PKD2L2: variants seen among roughly 807,000 people sequenced by gnomAD.
PKD2L2 encodes polycystin 2 like 2, transient receptor potential cation channel.
In PKD2L2, 67 loss-of-function variants were observed where a neutral mutation model predicts 83.9. That is an observed-to-expected ratio of 0.80 (90% CI 0.66 to 0.98). The LOEUF (loss-of-function observed/expected upper bound fraction) is 0.98. PKD2L2 is among the 50% of genes least tolerant of loss of function. The probability of loss-of-function intolerance (pLI) is 0.00; values close to 1 mark genes in which losing one functional copy is unlikely to be tolerated. For synonymous variants in PKD2L2, 223 were observed against 237.8 expected, an observed-to-expected ratio of 0.94 and a Z score of 0.57; for missense variants, 632 against 717.2, an observed-to-expected ratio of 0.88 and a Z score of 1.36.
chr5:137,890,384 CG>C, intron 1 of PKD2L2, 96 bp from the exon 2 acceptor site: 1 of 676,812 alleles, frequency 1.5e-6, no homozygotes, highest in Non-Finnish European at 2.6e-6. Context: ...CTTTCCTCCC[CG>C]CAGTGTAAGG....
intron 8 of PKD2L2, among the ~76,000 whole-genome samples, chr5:137,909,795 A>G (rs1261728571): frequency 1.3e-5 from 2 of 151,984 alleles, no homozygotes; most frequent in East Asian, 1.9e-4. Flanking sequence ...TCGGCCTTTC[A>G]AAAGTGCTGG....
At chr5:137,939,905 A>G in intron 14 of PKD2L2, 1 of 1,327,560 alleles carries the variant, frequency 7.5e-7, no homozygotes, top group Non-Finnish European at 9.6e-7. Flanking sequence ...TTGCATTTCC[A>G]AAGTTCTTGA....
intron 12 of PKD2L2, among the ~76,000 whole-genome samples, chr5:137,929,286 A>C (rs1368956949): frequency 6.6e-6 from 1 of 151,846 alleles, no homozygotes; most frequent in East Asian, 1.9e-4. Flanking sequence ...ACATGGAGAA[A>C]CCCTGTCTCT....
At chr5:137,908,548 G>A (rs1317523726) in intron 7 of PKD2L2, among the ~76,000 whole-genome samples, 1 of 151,474 alleles carries the variant, frequency 6.6e-6, no homozygotes, top group Non-Finnish European at 1.5e-5. Flanking sequence ...CCGAGATCAT[G>A]CCACAGCACT....
intron 13 of PKD2L2, 131 bp downstream of exon 13, chr5:137,936,040 GT>G: frequency 1.5e-6 from 1 of 661,876 alleles, no homozygotes; most frequent in Non-Finnish European, 2.6e-6. Context: ...TTTCTATCCA[GT>G]TTTAAAGTTG....
intron 4 of PKD2L2, among the ~76,000 whole-genome samples, chr5:137,896,664 G>C (rs767989567): frequency 1.3e-5 from 2 of 151,752 alleles, no homozygotes; most frequent in Non-Finnish European, 2.9e-5. Flanking sequence ...CTCCTGCCTT[G>C]CTCTCCCGAA....
chr5:137,938,030 C>A (rs1475579471), intron 14 of PKD2L2: 1 of 151,964 alleles, frequency 6.6e-6, no homozygotes, highest in Non-Finnish European at 1.5e-5. Flanking sequence ...TGCCATTATA[C>A]TGGTGGACAT....
chr5:137,930,331 T>C (rs1282808956), intron 12 of PKD2L2, among the ~76,000 whole-genome samples: 1 of 151,984 alleles, frequency 6.6e-6, no homozygotes, highest in African/African-American at 2.4e-5. Context: ...ATGAAAAAAT[T>C]CTTTGACTAA....
At chr5:137,940,783 T>C (rs918759516) in intron 14 of PKD2L2, among the ~76,000 whole-genome samples, 2 of 152,240 alleles carry the variant, frequency 1.3e-5, no homozygotes, top group African/African-American at 4.8e-5. Context: ...TTTATAGTAA[T>C]GACCCAATGC....
rs149947198 is a variant in PKD2L2 at position 137,901,220 on chromosome 5, T to G, written c.746+1483T>G. Among the ~76,000 whole-genome samples, 835 of 152,216 alleles carry G rather than the reference T, an allele frequency of 5.5e-3. 4 individuals are homozygous for G. Among genetic ancestry groups the G allele is most frequent in the South Asian group, 0.012 (59 of 4,820 alleles). Reference sequence around the variant, plus strand: ...AGTGAAGGATCTAAAGTTGGAGAATTTAATGCCAGCAAAGATTGGTTTGAT... The same window carrying G: ...AGTGAAGGATCTAAAGTTGGAGAATGTAATGCCAGCAAAGATTGGTTTGAT... On this transcript the variant is annotated intron_variant, in intron 5 of 14. Coordinates refer to ENST00000508883, the MANE Select transcript of PKD2L2 (RefSeq NM_001300921.2).
At chr5:137,923,802 G>A (rs1655219782) in intron 10 of PKD2L2, among the ~76,000 whole-genome samples, 1 of 152,284 alleles carries the variant, frequency 6.6e-6, no homozygotes, top group East Asian at 1.9e-4. Context: ...TAAATGCAAA[G>A]CGCTGCTGAG....
chr5:137,910,594 G>A (rs191317458), intron 8 of PKD2L2, among the ~76,000 whole-genome samples: 8 of 151,692 alleles, frequency 5.3e-5, no homozygotes, highest in South Asian at 2.1e-4. Flanking sequence ...CCAACATGGC[G>A]AAACTCCGTC....
chr5:137,928,492 A>G (rs1759568184), intron 12 of PKD2L2, among the ~76,000 whole-genome samples: 1 of 152,146 alleles, frequency 6.6e-6, no homozygotes, highest in Non-Finnish European at 1.5e-5. Context: ...GTGCAGTGGC[A>G]TGATCACAGC....
intron 1 of PKD2L2, 143 bp downstream of exon 1, chr5:137,889,665 G>A: frequency 3.0e-6 from 2 of 661,508 alleles, no homozygotes; most frequent in Non-Finnish European, 4.8e-6. Context: ...CTGGGGAAGC[G>A]GAGAGGGACA....
rs1333754189 is a variant in PKD2L2, at chr5:137,890,914, T to TTA, written c.133+333_133+334dup. 3.2e-4 allele frequency among the ~76,000 whole-genome samples: 49 copies of TTA among 152,314 alleles called. 1 individual carries two copies. Among genetic ancestry groups the TTA allele is most frequent in the Admixed American group, 2.8e-3 (43 of 15,294 alleles). ...GTTGGCAACTGCAATTTGATTTTGT[T>TTA]TAGAGTCATATAGACACATCAGCTG... On this transcript the variant is annotated intron_variant, in intron 2 of 14. Coordinates refer to ENST00000508883, the MANE Select transcript of PKD2L2 (RefSeq NM_001300921.2).
At chr5:137,926,219 G>A (rs1382220697) in intron 12 of PKD2L2, among the ~76,000 whole-genome samples, 1 of 152,134 alleles carries the variant, frequency 6.6e-6, no homozygotes, top group Non-Finnish European at 1.5e-5. Flanking sequence ...TTGATGACTT[G>A]ATAACTTTTC....
chr5:137,929,908 A>C (rs17601338), intron 12 of PKD2L2, among the ~76,000 whole-genome samples: 34,901 of 152,086 alleles, frequency 0.23, 4,223 homozygotes, highest in African/African-American at 0.28. Flanking sequence ...ACACAACTGA[A>C]TATAAATCAA....
chr5:137,890,207 G>A (rs10071629), intron 1 of PKD2L2: 4 of 243,222 alleles, frequency 1.6e-5, no homozygotes, highest in Non-Finnish European at 2.3e-5. Context: ...CGCTTGAACC[G>A]GGGAGGCGGA....
At chr5:137,923,074 C>A (rs1051713443) in intron 9 of PKD2L2, among the ~76,000 whole-genome samples, 3 of 147,702 alleles carry the variant, frequency 2.0e-5, no homozygotes, top group Non-Finnish European at 4.4e-5. Context: ...TGCAGTGGTG[C>A]GATCTCACTC....
Sources: allele counts gnomAD v4.1 joint callset (sites outside exome capture counted in the v4.1 genomes callset), GRCh38; gene constraint gnomAD v4.1.1; transcripts MANE v1.5; gene names NCBI Gene and HGNC (gene_info 2026-07-23, HGNC 2026-07-21).